The following NRXN3 variants were observed in gnomAD, a reference collection of about 807,000 sequenced individuals.
The protein encoded by NRXN3 is neurexin 3.
Under a neutral mutation model 137.6 loss-of-function variants are expected in NRXN3, and 32 were observed. The ratio of observed to expected loss-of-function variants is 0.23; its 90% CI spans 0.18 to 0.31. The LOEUF (loss-of-function observed/expected upper bound fraction) is 0.31, where lower values mean the gene tolerates loss of function less well. Among genes scored for constraint, NRXN3 ranks in the 10% least tolerant of loss-of-function variants. The probability of loss-of-function intolerance (pLI) is 1.00; values close to 1 mark genes in which losing one functional copy is unlikely to be tolerated. For synonymous variants in NRXN3, 798 were observed against 784.5 expected (o/e 1.02, Z -0.29); for missense variants, 1,574 against 2,062.5 (o/e 0.76, Z 4.59).
intron 8 of NRXN3, among the ~76,000 whole-genome samples, chr14:78,758,780 T>G (rs1368789872): frequency 6.6e-6 from 1 of 152,246 alleles, no homozygotes; most frequent in Admixed American, 6.5e-5. Context: ...CTTTTATGGT[T>G]TATTTCAACA....
chr14:79,415,404 A>G (rs1467180651), intron 15 of NRXN3, among the ~76,000 whole-genome samples: 2 of 151,324 alleles, frequency 1.3e-5, no homozygotes, highest in Non-Finnish European at 2.9e-5. Context: ...TAGCATTTAC[A>G]TTGTATTAGG....
At chr14:79,631,606 G>C (rs1425482708) in intron 16 of NRXN3, among the ~76,000 whole-genome samples, 2 of 152,274 alleles carry the variant, frequency 1.3e-5, no homozygotes, top group Non-Finnish European at 2.9e-5. Context: ...CCCGTGCTAG[G>C]TTCCAAAGTC....
At chr14:78,417,611 A>G (rs1346866184) in intron 4 of NRXN3, among the ~76,000 whole-genome samples, 9 of 152,244 alleles carry the variant, frequency 5.9e-5, no homozygotes, top group Non-Finnish European at 1.3e-4. Flanking sequence ...TGGTTGGCCC[A>G]GAGGAGATGC....
At chr14:79,640,497 C>T (rs1352670085) in intron 16 of NRXN3, among the ~76,000 whole-genome samples, 1 of 135,772 alleles carries the variant, frequency 7.4e-6, no homozygotes, top group Non-Finnish European at 1.7e-5. Flanking sequence ...TTCTTATCAT[C>T]TTGATGCTGT....
At chr14:78,444,859 C>G (rs1215807682) in intron 4 of NRXN3, among the ~76,000 whole-genome samples, 3 of 128,202 alleles carry the variant, frequency 2.3e-5, no homozygotes, top group African/African-American at 9.0e-5. Context: ...GCAGAGGTTG[C>G]AGTGAGCCGA....
At chr14:79,662,702 C>T (rs932455934) in intron 16 of NRXN3, among the ~76,000 whole-genome samples, 1 of 151,940 alleles carries the variant, frequency 6.6e-6, no homozygotes, top group Non-Finnish European at 1.5e-5. Context: ...AGGAAGCTTC[C>T]AATCATGGCA....
chr14:79,853,784 A>G (rs917451387), intron 20 of NRXN3: 3 of 1,008,996 alleles, frequency 3.0e-6, no homozygotes, highest in Non-Finnish European at 3.6e-6. Context: ...AAAAATATAT[A>G]TATCTGAAAA....
intron 15 of NRXN3, among the ~76,000 whole-genome samples, chr14:79,406,246 C>T (rs999116245): frequency 6.7e-6 from 1 of 150,344 alleles, no homozygotes; most frequent in Admixed American, 6.6e-5. Context: ...TTGCATTCCC[C>T]TCCCCTCCCC....
At chr14:78,289,024 T>C (rs1420091865) in intron 3 of NRXN3, among the ~76,000 whole-genome samples, 1 of 152,130 alleles carries the variant, frequency 6.6e-6, no homozygotes, top group African/African-American at 2.4e-5. Context: ...CATGGTAGTA[T>C]CATGGAAGGG....
chr14:78,206,017 G>T (rs1475486777), intron 1 of NRXN3, among the ~76,000 whole-genome samples: 1 of 152,210 alleles, frequency 6.6e-6, no homozygotes, highest in Admixed American at 6.5e-5. Flanking sequence ...GGTTGTGGGT[G>T]CCATTTGATG....
At chr14:79,457,889 C>T (rs2096277439) in intron 15 of NRXN3, among the ~76,000 whole-genome samples, 1 of 152,138 alleles carries the variant, frequency 6.6e-6, no homozygotes, top group Admixed American at 6.5e-5. Flanking sequence ...CCAAACTTCT[C>T]CTTTCCTCTA....
Position 78,243,449 on chromosome 14 carries a change from T to C in NRXN3, c.356T>C (p.Leu119Pro). The C allele has an allele frequency of 6.3e-7, 1 of 1,575,720 alleles. No individual in the cohort carries two copies. The change falls in exon 2 of 21, where the codon CTG becomes CCG. Residue 119 changes from leucine (L) to proline (P), a missense_variant. Leu to Pro is a moderately conservative substitution (Grantham distance 98). This residue lies in a region of NRXN3 where 400 missense variants were observed against 527.3 expected (regional missense o/e 0.76). Transcript: ENST00000335750. This position sits in a 1 kb window ranked among gnomAD's most constrained non-coding sequence, Gnocchi z 4.2. ...WHFLMVSRDR[L>P]RTVLMLDGEG... ...TTCCTCATGGTGAGCCGTGACCGCC[T>C]GCGCACGGTGCTGATGCTTGATGGC...
rs544825411 is a variant in NRXN3 at position 78,193,008 on chromosome 14, T to G, written c.-704+22334T>G. On this transcript the variant is annotated intron_variant, in intron 1 of 20. Coordinates refer to ENST00000335750, the MANE Select transcript of NRXN3 (RefSeq NM_001330195.2). ...TGAGAGAAAGTTTAGAAAGCCTGTT[T>G]GGCTTGGGACCCCAGAAGGCAAAGA... Among the ~76,000 whole-genome samples the G allele has an allele frequency of 1.6e-4, 24 of 152,290 alleles. No homozygotes were observed. In the South Asian group the frequency reaches 4.1e-3, roughly 26 times the overall value.
chr14:79,425,554 T>A (rs563107847), intron 15 of NRXN3, among the ~76,000 whole-genome samples: 27 of 152,328 alleles, frequency 1.8e-4, no homozygotes, highest in African/African-American at 6.5e-4. Context: ...TATATTATTT[T>A]CTTTAATTTT....
At chr14:79,168,247 G>C (rs143231525) in intron 15 of NRXN3, among the ~76,000 whole-genome samples, 4 of 152,004 alleles carry the variant, frequency 2.6e-5, no homozygotes, top group Non-Finnish European at 5.9e-5. Flanking sequence ...TAGCACAAAG[G>C]CTCTTCTAGT....
At chr14:79,858,810 G>A (rs1202203757) in intron 20 of NRXN3, among the ~76,000 whole-genome samples, 1 of 151,744 alleles carries the variant, frequency 6.6e-6, no homozygotes, top group East Asian at 1.9e-4. Context: ...CTACCACTTG[G>A]GACCCCCTAG....
intron 20 of NRXN3, among the ~76,000 whole-genome samples, chr14:79,843,131 C>T (rs952267021): frequency 2.0e-5 from 3 of 152,094 alleles, no homozygotes; most frequent in South Asian, 4.1e-4. Flanking sequence ...ACAGATACTT[C>T]GATTGCTTTC....
intron 4 of NRXN3, among the ~76,000 whole-genome samples, chr14:78,425,422 T>C (rs1431518611): frequency 2.6e-5 from 4 of 152,202 alleles, no homozygotes; most frequent in Non-Finnish European, 5.9e-5. Context: ...ACAGGAATGA[T>C]CTGTGGGGGA....
At chr14:78,582,532 A>G (rs2097012583) in intron 4 of NRXN3, among the ~76,000 whole-genome samples, 1 of 152,224 alleles carries the variant, frequency 6.6e-6, no homozygotes, top group Non-Finnish European at 1.5e-5. Flanking sequence ...ATTTTCATAA[A>G]TAAATTAATA....
Sources: gnomAD v4.1 joint callset for allele counts (sites outside exome capture counted in the v4.1 genomes callset) on GRCh38, gnomAD v4.1.1 for gene constraint, gnomAD v4.1.1 regional missense constraint, Gnocchi (gnomAD v3.1) non-coding constraint, MANE v1.5 for transcripts, NCBI Gene and HGNC (gene_info 2026-07-23, HGNC 2026-07-21) for gene names.